The following DCC variants were observed in gnomAD, a reference collection of about 807,000 sequenced individuals.
The protein encoded by DCC is DCC netrin 1 receptor, also known as netrin receptor DCC.
Under a neutral mutation model 172.5 loss-of-function variants are expected in DCC, and 58 were observed. The observed-to-expected ratio is 0.34, with a 90% CI of 0.27 to 0.42. The LOEUF is 0.42. DCC is among the 10% of genes least tolerant of loss of function. The probability of loss-of-function intolerance (pLI) is 1.00; values close to 1 mark genes in which losing one functional copy is unlikely to be tolerated. For missense variants in DCC, 1,740 were observed against 1,791.0 expected, an observed-to-expected ratio of 0.97 and a Z score of 0.51; for synonymous variants, 709 against 644.5, an observed-to-expected ratio of 1.10 and a Z score of -1.52.
intron 27 of DCC, chr18:53,505,293 T>C (rs2046157992): frequency 6.6e-6 from 1 of 152,208 alleles, no homozygotes; most frequent in African/African-American, 2.4e-5. Flanking sequence ...CTGACATCTG[T>C]TGCTTTCACC....
At chr18:52,392,300 AAGGGTGGCAGTTGCATG>A (rs1986059165) in intron 1 of DCC, among the ~76,000 whole-genome samples, 3 of 152,066 alleles carry the variant, frequency 2.0e-5, no homozygotes. Flanking sequence ...ATCTGTGCCG[AAGGGTGGCAGTTGCATG>A]AGTCACTCTC....
chr18:52,998,716 T>C (rs148190828), intron 5 of DCC, among the ~76,000 whole-genome samples: 13 of 152,234 alleles, frequency 8.5e-5, no homozygotes, highest in African/African-American at 3.1e-4. Context: ...ACAATGATCC[T>C]TGCTTTGCTG....
chr18:53,295,668 A>G (rs2057057833), intron 12 of DCC, among the ~76,000 whole-genome samples: 1 of 152,194 alleles, frequency 6.6e-6, no homozygotes, highest in Admixed American at 6.5e-5. Flanking sequence ...ATGAATCCAT[A>G]TGGGTAATCT....
chr18:53,381,253 C>A (rs777480458), intron 15 of DCC, among the ~76,000 whole-genome samples: 51 of 127,498 alleles, frequency 4.0e-4, no homozygotes, highest in Admixed American at 1.2e-3. Flanking sequence ...ATAATATACA[C>A]CCTGAAAGAC....
chr18:53,414,116 A>G (rs890725914), intron 20 of DCC, among the ~76,000 whole-genome samples: 1 of 152,228 alleles, frequency 6.6e-6, no homozygotes, highest in African/African-American at 2.4e-5. Flanking sequence ...TGGTGATTAA[A>G]TTAAATGGCT....
chr18:52,464,938 G>T (rs1369056445), intron 1 of DCC, among the ~76,000 whole-genome samples: 1 of 152,058 alleles, frequency 6.6e-6, no homozygotes, highest in African/African-American at 2.4e-5. Context: ...AGTTTAGGTA[G>T]ATATATAGAA....
At chr18:53,467,617 A>C (rs1410168004) in intron 24 of DCC, among the ~76,000 whole-genome samples, 1 of 152,242 alleles carries the variant, frequency 6.6e-6, no homozygotes, top group Non-Finnish European at 1.5e-5. Flanking sequence ...TTTGAAAAAT[A>C]TATTAATGTA....
chr18:53,390,064 T>G (rs533388631), intron 16 of DCC, among the ~76,000 whole-genome samples: 1 of 152,330 alleles, frequency 6.6e-6, no homozygotes, highest in South Asian at 2.1e-4. Context: ...GGCAAAAATG[T>G]CTTCCACTGC....
At chr18:52,410,069 G>C (rs1986792697) in intron 1 of DCC, among the ~76,000 whole-genome samples, 1 of 152,134 alleles carries the variant, frequency 6.6e-6, no homozygotes, top group Non-Finnish European at 1.5e-5. Flanking sequence ...GTTTTGCAAA[G>C]TCATGAAAAT....
At chr18:52,423,258 C>T (rs959316852) in intron 1 of DCC, among the ~76,000 whole-genome samples, 2 of 152,124 alleles carry the variant, frequency 1.3e-5, no homozygotes, top group African/African-American at 4.8e-5. Context: ...CGGCTGTATA[C>T]ACAAGTGCAG....
intron 7 of DCC, among the ~76,000 whole-genome samples, chr18:53,075,690 G>A (rs1004314215): frequency 6.6e-6 from 1 of 152,082 alleles, no homozygotes; most frequent in African/African-American, 2.4e-5. Context: ...AAAGATGTGC[G>A]AGTGCACACA....
At chr18:52,435,397 G>A (rs1987758798) in intron 1 of DCC, among the ~76,000 whole-genome samples, 1 of 152,102 alleles carries the variant, frequency 6.6e-6, no homozygotes, top group South Asian at 2.1e-4. Context: ...TTCCATGGGT[G>A]GGGTATGTAG....
intron 7 of DCC, among the ~76,000 whole-genome samples, chr18:53,119,749 C>T (rs2043456848): frequency 6.6e-6 from 1 of 151,756 alleles, no homozygotes; most frequent in Admixed American, 6.6e-5. Context: ...TTTCCAGTCA[C>T]CTCTTAGGCA....
chr18:52,455,045 A>C (rs891556111), intron 1 of DCC, among the ~76,000 whole-genome samples: 1 of 152,174 alleles, frequency 6.6e-6, no homozygotes, highest in Non-Finnish European at 1.5e-5. Flanking sequence ...ACTATATATT[A>C]TGAATTTAAT....
intron 1 of DCC, among the ~76,000 whole-genome samples, chr18:52,574,892 A>G (rs1047424877): frequency 3.9e-5 from 6 of 152,148 alleles, no homozygotes; most frequent in Non-Finnish European, 7.4e-5. Context: ...CATACAAATG[A>G]AGCAAATTTA....
intron 2 of DCC, among the ~76,000 whole-genome samples, chr18:52,874,919 G>T (rs986170647): frequency 1.3e-5 from 2 of 152,134 alleles, no homozygotes; most frequent in African/African-American, 4.8e-5. Flanking sequence ...GCAGGGAAGG[G>T]TGAACAGTGT....
At position 52,612,293 on chromosome 18, in the gene DCC, A is replaced by G. The variant is rs548410093; in HGVS notation, c.92-139761A>G. Among the ~76,000 whole-genome samples, 9 of 151,966 alleles carry G rather than the reference A, an allele frequency of 5.9e-5. No homozygotes were observed. In the South Asian group the frequency reaches 1.9e-3, roughly 32 times the overall value. On this transcript the variant is annotated intron_variant, in intron 1 of 28. Coordinates refer to ENST00000442544, the MANE Select transcript of DCC (RefSeq NM_005215.4). ...GGTTCTTGCCTCCTCCATCTTCCTC[A>G]TCTCTCCCCCCATCCCCTGCCAACA... is the stretch of plus-strand genomic sequence containing the variant.
intron 1 of DCC, among the ~76,000 whole-genome samples, chr18:52,432,474 C>G (rs913529727): frequency 6.6e-6 from 1 of 152,164 alleles, no homozygotes; most frequent in African/African-American, 2.4e-5. Flanking sequence ...TGCCTAAGCA[C>G]CCTCTGTTGC....
At chr18:52,857,438 A>G (rs562744774) in intron 2 of DCC, among the ~76,000 whole-genome samples, 1 of 152,242 alleles carries the variant, frequency 6.6e-6, no homozygotes, top group African/African-American at 2.4e-5. Flanking sequence ...TATGATGCAT[A>G]TTTTCTTTCT....
Sources: allele counts gnomAD v4.1 joint callset (sites outside exome capture counted in the v4.1 genomes callset), GRCh38; gene constraint gnomAD v4.1.1; transcripts MANE v1.5; gene names NCBI Gene and HGNC (gene_info 2026-07-23, HGNC 2026-07-21).